The following TTBK2 variants were observed in gnomAD, a reference collection of about 807,000 sequenced individuals.
TTBK2 encodes the protein tau tubulin kinase 2.
Under a neutral mutation model 110.8 loss-of-function variants are expected in TTBK2, and 28 were observed. That is an observed-to-expected ratio of 0.25 (90% confidence interval 0.19 to 0.35). The LOEUF (loss-of-function observed/expected upper bound fraction) is 0.35. TTBK2 is among the 10% of genes least tolerant of loss of function. The pLI, the probability that TTBK2 is intolerant of heterozygous loss-of-function variation, is 1.00. For missense variants in TTBK2, 1,369 were observed against 1,500.3 expected (o/e 0.91, Z 1.45); for synonymous variants, 532 against 527.3 (o/e 1.01, Z -0.12).
chr15:42,845,972 GTAT>G (rs1893444029), intron 3 of TTBK2, among the ~76,000 whole-genome samples: 1 of 152,082 alleles, frequency 6.6e-6, no homozygotes, highest in African/African-American at 2.4e-5. Flanking sequence ...TAAAAACATA[GTAT>G]TATAATCTTA....
intron 6 of TTBK2, among the ~76,000 whole-genome samples, chr15:42,817,792 C>T (rs1280918798): frequency 6.6e-6 from 1 of 152,134 alleles, no homozygotes; most frequent in African/African-American, 2.4e-5. Context: ...TCTTTCATGA[C>T]CAATTTTGGT....
intron 4 of TTBK2, among the ~76,000 whole-genome samples, chr15:42,833,085 T>A (rs936725564): frequency 2.0e-5 from 3 of 151,712 alleles, no homozygotes; most frequent in Admixed American, 2.0e-4. Context: ...GCAGAAAAGA[T>A]AACTAGTGGG....
chr15:42,793,691 A>T (rs955836910), intron 10 of TTBK2, among the ~76,000 whole-genome samples: 5 of 152,174 alleles, frequency 3.3e-5, no homozygotes, highest in African/African-American at 7.2e-5. Context: ...TCTACTAAAA[A>T]TACAAAATTA....
At chr15:42,796,989 G>A (rs1261604068) in intron 9 of TTBK2, among the ~76,000 whole-genome samples, 4 of 152,138 alleles carry the variant, frequency 2.6e-5, no homozygotes, top group Non-Finnish European at 2.9e-5. Context: ...AGTCACCTAC[G>A]TTATAGCTTA....
chr15:42,792,163 T>C (rs1890717242), intron 10 of TTBK2, among the ~76,000 whole-genome samples: 1 of 152,110 alleles, frequency 6.6e-6, no homozygotes, highest in African/African-American at 2.4e-5. Flanking sequence ...AAAATACTAG[T>C]GTATATTTCA....
At chr15:42,879,744 C>T (rs1409797421) in intron 1 of TTBK2, among the ~76,000 whole-genome samples, 1 of 151,838 alleles carries the variant, frequency 6.6e-6, no homozygotes, top group African/African-American at 2.4e-5. Context: ...CACCTGTAAT[C>T]CCAGCATCTT....
intron 9 of TTBK2, chr15:42,801,966 C>T (rs1036072565): frequency 1.9e-6 from 3 of 1,578,956 alleles, no homozygotes; most frequent in African/African-American, 1.3e-5. Flanking sequence ...TCTCCAGCTG[C>T]CACTTAAGGT....
intron 1 of TTBK2, among the ~76,000 whole-genome samples, chr15:42,889,859 A>C (rs748109320): frequency 3.3e-5 from 5 of 152,116 alleles, no homozygotes; most frequent in Non-Finnish European, 5.9e-5. Flanking sequence ...AGCCCTGAGA[A>C]ACATTGCCCA....
intron 3 of TTBK2, among the ~76,000 whole-genome samples, chr15:42,842,786 C>G (rs1251181323): frequency 6.6e-6 from 1 of 151,696 alleles, no homozygotes; most frequent in Non-Finnish European, 1.5e-5. Context: ...ACTGTTCTCT[C>G]ATTCTCTATG....
intron 9 of TTBK2, among the ~76,000 whole-genome samples, chr15:42,809,889 C>T (rs1891629277): frequency 6.6e-6 from 1 of 152,204 alleles, no homozygotes. Context: ...ACACTGACAA[C>T]ACTGTAGAAT....
At chr15:42,892,759 C>T (rs1157682665) in intron 1 of TTBK2, among the ~76,000 whole-genome samples, 2 of 142,236 alleles carry the variant, frequency 1.4e-5, no homozygotes, top group African/African-American at 5.2e-5. Context: ...CCTGTAATTT[C>T]AGCACTTTGG....
chr15:42,823,121 A>G (rs1892378873), intron 6 of TTBK2, among the ~76,000 whole-genome samples: 1 of 152,232 alleles, frequency 6.6e-6, no homozygotes, highest in African/African-American at 2.4e-5. Flanking sequence ...TTTCTTATGT[A>G]AGTTACTACA....
intron 2 of TTBK2, among the ~76,000 whole-genome samples, chr15:42,875,508 C>G (rs1409143694): frequency 6.6e-6 from 1 of 152,038 alleles, no homozygotes; most frequent in East Asian, 1.9e-4. Flanking sequence ...CTGTTTTCAT[C>G]AACAGAATAG....
At chr15:42,800,974 G>A (rs1363282399) in intron 9 of TTBK2, 1 of 754,954 alleles carries the variant, frequency 1.3e-6, no homozygotes, top group South Asian at 1.4e-5. Context: ...CACTTGGGCA[G>A]GACGTTGGAG....
At chr15:42,894,721 T>A (rs1386921773) in intron 1 of TTBK2, among the ~76,000 whole-genome samples, 1 of 152,068 alleles carries the variant, frequency 6.6e-6, no homozygotes, top group African/African-American at 2.4e-5. Flanking sequence ...ATCACTGCAC[T>A]CCAGGCTGGG....
chr15:42,909,561 T>C (rs1415285159), intron 1 of TTBK2, among the ~76,000 whole-genome samples: 1 of 152,178 alleles, frequency 6.6e-6, no homozygotes, highest in Non-Finnish European at 1.5e-5. Flanking sequence ...GTTAACATAT[T>C]CATGTGCTGG....
intron 9 of TTBK2, among the ~76,000 whole-genome samples, chr15:42,796,496 C>G (rs774710549): frequency 6.6e-6 from 1 of 152,028 alleles, no homozygotes; most frequent in Non-Finnish European, 1.5e-5. Context: ...GGGCTATAGC[C>G]TAGAGTACTC....
chr15:42,898,275 C>A (rs1895746023), intron 1 of TTBK2, among the ~76,000 whole-genome samples: 1 of 152,040 alleles, frequency 6.6e-6, no homozygotes, highest in Non-Finnish European at 1.5e-5. Context: ...GTACTTCTGG[C>A]CAGGTGCAGT....
At chr15:42,784,855 G>T (rs1211436608) in intron 10 of TTBK2, among the ~76,000 whole-genome samples, 1 of 152,180 alleles carries the variant, frequency 6.6e-6, no homozygotes, top group Admixed American at 6.5e-5. Flanking sequence ...GTGAGTGACA[G>T]AGGTATGTAA....
Sources: allele counts gnomAD v4.1 joint callset (sites outside exome capture counted in the v4.1 genomes callset), GRCh38; gene constraint gnomAD v4.1.1; transcripts MANE v1.5; gene names NCBI Gene and HGNC (gene_info 2026-07-23, HGNC 2026-07-21).